The following FGF12 variants were observed in gnomAD, a reference collection of about 807,000 sequenced individuals.
FGF12 encodes the protein fibroblast growth factor 12.
FGF12 carries 14 observed loss-of-function variants against 23.6 expected under a neutral mutation model. The observed-to-expected ratio is 0.59, with a 90% CI of 0.39 to 0.93. FGF12 has a LOEUF of 0.93. Ranked by LOEUF, FGF12 falls within the 40% of genes least tolerant of loss-of-function variation. The pLI is 0.00. For missense variants in FGF12, 175 were observed against 217.8 expected, an observed-to-expected ratio of 0.80 and a Z score of 1.24; for synonymous variants, 62 against 77.3, an observed-to-expected ratio of 0.80 and a Z score of 1.04.
chr3:192,335,717 C>G (rs1472024094), intron 3 of FGF12, among the ~76,000 whole-genome samples: 1 of 151,830 alleles, frequency 6.6e-6, no homozygotes, highest in Non-Finnish European at 1.5e-5. Context: ...CTCTAAAGGC[C>G]CAGCTGGATC....
chr3:192,537,748 T>C (rs1001641395), intron 2 of FGF12, among the ~76,000 whole-genome samples: 2 of 152,206 alleles, frequency 1.3e-5, no homozygotes, highest in Admixed American at 1.3e-4. Context: ...GTGGGTTGTC[T>C]CTTCACTTTG....
chr3:192,486,846 A>G (rs371184514), intron 2 of FGF12, among the ~76,000 whole-genome samples: 25 of 152,152 alleles, frequency 1.6e-4, no homozygotes, highest in East Asian at 5.8e-4. Flanking sequence ...GACCTCTTTT[A>G]TTCAGAGCCA....
At chr3:192,422,545 T>C (rs1462389118) in intron 2 of FGF12, among the ~76,000 whole-genome samples, 2 of 152,186 alleles carry the variant, frequency 1.3e-5, no homozygotes, top group East Asian at 1.9e-4. Flanking sequence ...TCATTAATCT[T>C]GTGCCACAAA....
At chr3:192,695,585 ATAAAATG>A (rs2108725289) in intron 2 of FGF12, among the ~76,000 whole-genome samples, 1 of 152,316 alleles carries the variant, frequency 6.6e-6, no homozygotes, top group South Asian at 2.1e-4. Flanking sequence ...AAACTAACTA[ATAAAATG>A]TGAGAATTCA....
chr3:192,144,283 CTT>C (rs962844566), intron 5 of FGF12, among the ~76,000 whole-genome samples, 156 bp from the exon 6 acceptor site: 8 of 152,172 alleles, frequency 5.3e-5, no homozygotes, highest in African/African-American at 1.9e-4. Context: ...AGTGAATACA[CTT>C]AATTTTCTTT....
rs1401696150 is a variant in FGF12, at chr3:192,705,421, G to C, written c.13+21760C>G. The stretch of plus-strand genomic sequence containing the variant: ...TCAGAACACACACAAGAATTAACAG[G>C]TGAAATTCTGTTTGAGAAGTCAATT... On this transcript the variant is annotated intron_variant, in intron 2 of 5. Coordinates refer to ENST00000445105, the MANE Select transcript of FGF12 (RefSeq NM_004113.6). Among the ~76,000 whole-genome samples, 4 of 152,180 alleles carry C rather than the reference G, an allele frequency of 2.6e-5. No individual in the cohort carries two copies. In the East Asian group the frequency reaches 7.7e-4, roughly 29 times the overall value.
At chr3:192,400,575 G>T (rs1560099978) in intron 2 of FGF12, among the ~76,000 whole-genome samples, 1 of 151,848 alleles carries the variant, frequency 6.6e-6, no homozygotes. Flanking sequence ...CACCATGTTG[G>T]CCAGGCTGGT....
intron 4 of FGF12, among the ~76,000 whole-genome samples, chr3:192,321,565 C>T (rs1250319199): frequency 6.1e-5 from 9 of 147,264 alleles, no homozygotes; most frequent in African/African-American, 2.2e-4. Flanking sequence ...TGCAAAAACA[C>T]ACAACAAAAT....
intron 2 of FGF12, among the ~76,000 whole-genome samples, chr3:192,646,355 C>T (rs776892978): frequency 2.2e-4 from 34 of 151,940 alleles, no homozygotes; most frequent in Admixed American, 4.6e-4. Flanking sequence ...CTAATGAGCC[C>T]CTTTCTCCCA....
intron 2 of FGF12, among the ~76,000 whole-genome samples, chr3:192,707,909 G>A (rs908808577): frequency 2.0e-5 from 3 of 151,950 alleles, no homozygotes; most frequent in Non-Finnish European, 4.4e-5. Flanking sequence ...CTCTTCCATG[G>A]ACAACAGGAA....
chr3:192,221,959 T>C (rs1022381904), intron 4 of FGF12, among the ~76,000 whole-genome samples: 5 of 151,914 alleles, frequency 3.3e-5, no homozygotes, highest in African/African-American at 1.2e-4. Flanking sequence ...AGAGAAACAT[T>C]TGATAGAGAT....
At chr3:192,436,287 G>T (rs866718918) in intron 2 of FGF12, among the ~76,000 whole-genome samples, 6 of 152,190 alleles carry the variant, frequency 3.9e-5, no homozygotes, top group Admixed American at 2.0e-4. Context: ...CTTCCTTTGC[G>T]CCTAGCTTTG....
chr3:192,429,217 G>T (rs975614394), intron 2 of FGF12, among the ~76,000 whole-genome samples: 5 of 152,112 alleles, frequency 3.3e-5, no homozygotes, highest in African/African-American at 1.2e-4. Flanking sequence ...TCTGACTCTT[G>T]TTTATAACAG....
intron 2 of FGF12, among the ~76,000 whole-genome samples, chr3:192,422,259 A>G (rs1721557457): frequency 6.6e-6 from 1 of 152,144 alleles, no homozygotes; most frequent in Non-Finnish European, 1.5e-5. Flanking sequence ...GGAACTTTGA[A>G]CAAATTATTC....
At chr3:192,380,090 C>G (rs541722201) in intron 2 of FGF12, among the ~76,000 whole-genome samples, 1 of 152,044 alleles carries the variant, frequency 6.6e-6, no homozygotes, top group Non-Finnish European at 1.5e-5. Flanking sequence ...AAAGGCTATG[C>G]CAGAAATCTC....
chr3:192,379,507 A>G (rs1347239076), intron 2 of FGF12, among the ~76,000 whole-genome samples: 1 of 152,024 alleles, frequency 6.6e-6, no homozygotes, highest in African/African-American at 2.4e-5. Flanking sequence ...AAAAATATAT[A>G]AAGACATGAG....
chr3:192,538,364 T>C lies in FGF12; in HGVS notation c.14-177826A>G, dbSNP rs558677860. Among the ~76,000 whole-genome samples, 14 of 152,356 alleles carry C rather than the reference T, an allele frequency of 9.2e-5. No homozygotes were observed. The South Asian group carries it at 2.7e-3, about 29-fold the overall frequency. ...TATCCAGTTTTCTTAGCTCCACTTA[T>C]TGAAGATATTGTCTTTTCCCCAATG... On this transcript the variant is annotated intron_variant, in intron 2 of 5. Transcript: ENST00000445105.
In FGF12 at chr3:192,408,262, C is replaced by CG; in HGVS notation, c.14-47725dup. ...GGGCCTCAGGCCCCAGCCTCTACTG[C>CG]GCCCTCCGGCTTGCGCTCCGCCGGG... On this transcript the variant is annotated intron_variant, in intron 2 of 5. Coordinates refer to ENST00000445105, the MANE Select transcript of FGF12 (RefSeq NM_004113.6). This position sits in a 1 kb window ranked among gnomAD's most constrained non-coding sequence, Gnocchi z 7.3. 2 of 1,533,476 alleles carry CG rather than the reference C, an allele frequency of 1.3e-6. No homozygotes were observed. The highest frequency in any genetic ancestry group is 3.9e-5 in the Admixed American group (2 of 51,056). 95.0% of individuals were successfully genotyped at this position (1,533,476 alleles called of 1,614,324 possible).
chr3:192,265,002 C>A (rs1276076835), intron 4 of FGF12, among the ~76,000 whole-genome samples: 3 of 152,050 alleles, frequency 2.0e-5, no homozygotes, highest in African/African-American at 7.2e-5. Flanking sequence ...ATCAGGCTTG[C>A]ATCATTTTCA....
Sources: allele counts gnomAD v4.1 joint callset (sites outside exome capture counted in the v4.1 genomes callset), GRCh38; gene constraint gnomAD v4.1.1; non-coding constraint Gnocchi (gnomAD v3.1); transcripts MANE v1.5; gene names NCBI Gene and HGNC (gene_info 2026-07-23, HGNC 2026-07-21).